The following TMEM117 variants were observed in gnomAD, a reference collection of about 807,000 sequenced individuals.
TMEM117 encodes transmembrane protein 117.
Under a neutral mutation model 52.4 loss-of-function variants are expected in TMEM117, and 27 were observed. That is an observed-to-expected ratio of 0.51 (90% CI 0.38 to 0.71). The LOEUF (loss-of-function observed/expected upper bound fraction) is 0.71, where lower values mean the gene tolerates loss of function less well. Among genes scored for constraint, TMEM117 ranks in the 30% least tolerant of loss-of-function variants. The pLI is 0.00. For synonymous variants in TMEM117, 215 were observed against 206.3 expected, an observed-to-expected ratio of 1.04 and a Z score of -0.36; for missense variants, 556 against 630.5, an observed-to-expected ratio of 0.88 and a Z score of 1.26.
intron 2 of TMEM117, among the ~76,000 whole-genome samples, chr12:43,886,764 C>T (rs922873810): frequency 6.6e-6 from 1 of 152,214 alleles, no homozygotes; most frequent in Non-Finnish European, 1.5e-5. Context: ...AATTATTTTT[C>T]GTGATCCTTT....
At chr12:43,976,157 GT>G (rs1242716226) in intron 3 of TMEM117, among the ~76,000 whole-genome samples, 1 of 152,186 alleles carries the variant, frequency 6.6e-6, no homozygotes, top group Non-Finnish European at 1.5e-5. Flanking sequence ...TACACTTCTA[GT>G]CGACTGGAGG....
the TMEM117 span, among the ~76,000 whole-genome samples, chr12:43,819,693 A>G: frequency 1.3e-5 from 2 of 152,020 alleles, no homozygotes; most frequent in African/African-American, 4.8e-5. Flanking sequence ...GGAGAATCGC[A>G]TGAACCCAGG....
chr12:43,871,259 C>T (rs1166172983), intron 2 of TMEM117, among the ~76,000 whole-genome samples: 1 of 151,896 alleles, frequency 6.6e-6, no homozygotes, highest in Non-Finnish European at 1.5e-5. Context: ...TGCACCACCA[C>T]GCCCAGCTAA....
chr12:44,255,838 A>G (rs1380403074), intron 5 of TMEM117, among the ~76,000 whole-genome samples: 2 of 152,090 alleles, frequency 1.3e-5, no homozygotes, highest in African/African-American at 4.8e-5. Flanking sequence ...TTAGCATTTA[A>G]AAAATATTTT....
chr12:43,933,871 A>G (rs1404860960), intron 2 of TMEM117, among the ~76,000 whole-genome samples: 2 of 152,314 alleles, frequency 1.3e-5, no homozygotes, highest in African/African-American at 2.4e-5. Flanking sequence ...CAGAATTTCA[A>G]TAGTGACAAT....
intron 5 of TMEM117, among the ~76,000 whole-genome samples, chr12:44,223,301 G>A (rs1345575419): frequency 6.6e-6 from 1 of 151,534 alleles, no homozygotes; most frequent in Admixed American, 6.6e-5. Flanking sequence ...CAGTTCTTGG[G>A]CCATTCCATA....
intron 3 of TMEM117, among the ~76,000 whole-genome samples, chr12:43,983,651 A>G (rs1353946821): frequency 1.3e-5 from 2 of 151,540 alleles, no homozygotes; most frequent in Non-Finnish European, 2.9e-5. Flanking sequence ...TACTTTATAT[A>G]TAAGTAACAA....
intron 6 of TMEM117, among the ~76,000 whole-genome samples, chr12:44,365,117 G>A (rs1951772507): frequency 6.6e-6 from 1 of 151,962 alleles, no homozygotes; most frequent in African/African-American, 2.4e-5. Context: ...TCTATGCATT[G>A]GCAGTAAAAA....
At chr12:44,277,294 A>G (rs1950526100) in intron 5 of TMEM117, among the ~76,000 whole-genome samples, 1 of 152,156 alleles carries the variant, frequency 6.6e-6, no homozygotes, top group Admixed American at 6.5e-5. Flanking sequence ...TTTCTTTTCT[A>G]CATCTGGACT....
At chr12:43,923,869 A>G (rs1373122218) in intron 2 of TMEM117, among the ~76,000 whole-genome samples, 2 of 152,010 alleles carry the variant, frequency 1.3e-5, no homozygotes, top group Non-Finnish European at 2.9e-5. Flanking sequence ...AATGTCAGTA[A>G]TAGTCAGCAG....
intron 6 of TMEM117, among the ~76,000 whole-genome samples, chr12:44,334,671 G>C (rs879753470): frequency 2.0e-5 from 3 of 151,964 alleles, no homozygotes; most frequent in Non-Finnish European, 4.4e-5. Flanking sequence ...TCCATTAAGA[G>C]AACCTTGCAA....
At chr12:44,299,787 C>T (rs1950816488) in intron 6 of TMEM117, 48 bp downstream of exon 6, 8 of 1,601,614 alleles carry the variant, frequency 5.0e-6, no homozygotes, top group Non-Finnish European at 6.8e-6. Context: ...TGCTCTGTTC[C>T]CAGTATAACA....
At chr12:44,212,227 T>C (rs1368312332) in intron 5 of TMEM117, among the ~76,000 whole-genome samples, 2 of 152,192 alleles carry the variant, frequency 1.3e-5, no homozygotes, top group African/African-American at 4.8e-5. Flanking sequence ...CTGAGTAGTG[T>C]GATGAAGCCT....
chr12:44,174,046 A>C (rs1949085192), intron 4 of TMEM117, among the ~76,000 whole-genome samples: 1 of 152,190 alleles, frequency 6.6e-6, no homozygotes, highest in African/African-American at 2.4e-5. Flanking sequence ...TAAAGTTTTT[A>C]AGCTTTTTCC....
At chr12:44,176,494 G>T (rs886800490) in intron 4 of TMEM117, among the ~76,000 whole-genome samples, 3 of 152,126 alleles carry the variant, frequency 2.0e-5, no homozygotes, top group Admixed American at 6.5e-5. Flanking sequence ...GCTATGATTT[G>T]TTTATCCATG....
chr12:43,953,827 C>T (rs1945263003), intron 3 of TMEM117, among the ~76,000 whole-genome samples: 1 of 152,090 alleles, frequency 6.6e-6, no homozygotes, highest in South Asian at 2.1e-4. Flanking sequence ...CAGAACTCTC[C>T]CCCCCAAAAC....
intron 3 of TMEM117, among the ~76,000 whole-genome samples, chr12:44,135,719 G>A (rs1948480558): frequency 6.6e-6 from 1 of 152,094 alleles, no homozygotes; most frequent in African/African-American, 2.4e-5. Context: ...AATTTTGTAG[G>A]AAATACAAGA....
intron 3 of TMEM117, among the ~76,000 whole-genome samples, chr12:43,948,240 C>T (rs1037673413): frequency 6.6e-6 from 1 of 152,072 alleles, no homozygotes; most frequent in Non-Finnish European, 1.5e-5. Context: ...AACCTTGTCT[C>T]AAATTTGACT....
intron 3 of TMEM117, among the ~76,000 whole-genome samples, chr12:44,003,245 G>A (rs551288129): frequency 6.6e-6 from 1 of 152,290 alleles, no homozygotes; most frequent in Non-Finnish European, 1.5e-5. Context: ...TGGGAGTGGA[G>A]AAAAACCTAG....
Sources: gnomAD v4.1 joint callset for allele counts (sites outside exome capture counted in the v4.1 genomes callset) on GRCh38, gnomAD v4.1.1 for gene constraint, MANE v1.5 for transcripts, NCBI Gene and HGNC (gene_info 2026-07-23, HGNC 2026-07-21) for gene names.